Variants in TTC28 observed in about 807,000 individuals in gnomAD.
The protein encoded by TTC28 is tetratricopeptide repeat protein 28.
Under a neutral mutation model 198.0 loss-of-function variants are expected in TTC28, and 61 were observed. The ratio of observed to expected loss-of-function variants is 0.31; its 90% CI spans 0.25 to 0.38. The LOEUF (loss-of-function observed/expected upper bound fraction) is 0.38. TTC28 is among the 10% of genes least tolerant of loss of function. The pLI, the probability that TTC28 is intolerant of heterozygous loss-of-function variation, is 1.00. For missense variants in TTC28, 2,678 were observed against 3,164.0 expected (o/e 0.85, Z 3.69); for synonymous variants, 1,171 against 1,297.8 (o/e 0.90, Z 2.10).
intron 2 of TTC28, among the ~76,000 whole-genome samples, chr22:28,395,630 A>G (rs572042843): frequency 4.2e-4 from 9 of 21,386 alleles, no homozygotes; most frequent in African/African-American, 2.1e-3. Context: ...AAAAAACCAA[A>G]CAAACAAAAA....
intron 1 of TTC28, among the ~76,000 whole-genome samples, chr22:28,643,609 C>T (rs2051404559): frequency 6.6e-6 from 1 of 152,196 alleles, no homozygotes; most frequent in African/African-American, 2.4e-5. Context: ...TCCTCACCCA[C>T]ATCTTTGAAA....
chr22:27,982,452 C>T lies in TTC28; in HGVS notation c.7215G>A (p.Glu2405=). 1 of 1,551,566 alleles carries T rather than the reference C, an allele frequency of 6.4e-7. No homozygotes were observed. Among genetic ancestry groups the T allele is most frequent in the South Asian group, 1.2e-5 (1 of 84,052 alleles). ...LNLSPRHNKK[E]EGVDKLELKE... is the part of the protein sequence containing the mutation. ...TCAGTTCAAGCTTATCCACTCCCTC[C>T]TCCTTCTTATTGTGCCGTGGTGACA... Residue 2405 remains glutamate, a synonymous_variant, in exon 23 of 23, where the codon GAG becomes GAA. Coordinates refer to ENST00000397906, the MANE Select transcript of TTC28 (RefSeq NM_001145418.2). This position sits in a 1 kb window ranked among gnomAD's most constrained non-coding sequence, Gnocchi z 5.2.
At position 28,669,581 on chromosome 22, in the gene TTC28, T is replaced by C. The variant is rs551554697; in HGVS notation, c.102+10041A>G. Among the ~76,000 whole-genome samples, 9 of 152,330 alleles carry C rather than the reference T, an allele frequency of 5.9e-5. No individual in the cohort carries two copies. In the South Asian group the frequency reaches 1.7e-3, roughly 28 times the overall value. ...GAACTGGTCAAAGGGAAGATCTTTG[T>C]GGAGTCAGCAGTTTCCTCTGTCCTA... is the stretch of plus-strand genomic sequence containing the variant. On this transcript the variant is annotated intron_variant, in intron 1 of 22. Coordinates refer to ENST00000397906, the MANE Select transcript of TTC28 (RefSeq NM_001145418.2).
At chr22:28,521,356 G>A (rs369105301) in intron 2 of TTC28, among the ~76,000 whole-genome samples, 75 of 152,118 alleles carry the variant, frequency 4.9e-4, no homozygotes, top group Non-Finnish European at 8.1e-4. Context: ...ATGATGAGCC[G>A]TGACCAAGCC....
intron 6 of TTC28, among the ~76,000 whole-genome samples, chr22:28,128,485 C>T (rs752475611): frequency 7.2e-5 from 11 of 152,150 alleles, no homozygotes; most frequent in Non-Finnish European, 1.5e-4. Flanking sequence ...AAGCACACAG[C>T]CAATTCCTGT....
intron 2 of TTC28, among the ~76,000 whole-genome samples, chr22:28,333,779 A>G (rs134489): frequency 6.6e-6 from 1 of 151,952 alleles, no homozygotes; most frequent in Non-Finnish European, 1.5e-5. Flanking sequence ...AAGTTAAATC[A>G]AAGTATTGTG....
At chr22:28,152,233 G>A (rs1157538217) in intron 6 of TTC28, among the ~76,000 whole-genome samples, 1 of 152,202 alleles carries the variant, frequency 6.6e-6, no homozygotes, top group Non-Finnish European at 1.5e-5. Context: ...CCTCCTGGTG[G>A]TGCATATACT....
intron 8 of TTC28, among the ~76,000 whole-genome samples, chr22:28,102,723 G>A (rs1375748430): frequency 6.6e-6 from 1 of 152,194 alleles, no homozygotes; most frequent in African/African-American, 2.4e-5. Flanking sequence ...TGAGTCTGTT[G>A]AGACGGTAAG....
intron 2 of TTC28, among the ~76,000 whole-genome samples, chr22:28,577,954 T>C (rs998463984): frequency 6.6e-6 from 1 of 152,144 alleles, no homozygotes; most frequent in East Asian, 1.9e-4. Flanking sequence ...GCTTAGTCAA[T>C]TTGTGTTCAA....
chr22:28,589,124 C>T (rs1317050614), intron 2 of TTC28, among the ~76,000 whole-genome samples: 1 of 152,182 alleles, frequency 6.6e-6, no homozygotes, highest in Non-Finnish European at 1.5e-5. Flanking sequence ...ATTCTTACCT[C>T]AAGCATTCCT....
intron 5 of TTC28, among the ~76,000 whole-genome samples, chr22:28,170,777 G>A (rs1922595662): frequency 6.6e-6 from 1 of 152,086 alleles, no homozygotes; most frequent in Non-Finnish European, 1.5e-5. Context: ...AGATTTGGAT[G>A]AGTCTCAGAG....
intron 5 of TTC28, among the ~76,000 whole-genome samples, chr22:28,220,806 C>T (rs1927794832): frequency 6.6e-6 from 1 of 152,104 alleles, no homozygotes; most frequent in Admixed American, 6.6e-5. Context: ...TCATGGGGCC[C>T]ACGTTAAGAG....
chr22:28,386,960 A>AT (rs1236456832), intron 2 of TTC28, among the ~76,000 whole-genome samples: 1 of 152,158 alleles, frequency 6.6e-6, no homozygotes, highest in Non-Finnish European at 1.5e-5. Flanking sequence ...GTCATCTAGC[A>AT]TTAGGTATAT....
chr22:28,660,325 G>A (rs2051722281), intron 1 of TTC28, among the ~76,000 whole-genome samples: 1 of 151,966 alleles, frequency 6.6e-6, no homozygotes, highest in Admixed American at 6.6e-5. Flanking sequence ...AGTAAGAAAA[G>A]GAAATTTTTT....
chr22:28,601,546 A>C (rs1254840477), intron 2 of TTC28, among the ~76,000 whole-genome samples: 1 of 152,166 alleles, frequency 6.6e-6, no homozygotes, highest in African/African-American at 2.4e-5. Flanking sequence ...AGATGATTTA[A>C]AGTTTGTGGG....
chr22:28,529,794 G>A (rs1167949851), intron 2 of TTC28, among the ~76,000 whole-genome samples: 1 of 152,186 alleles, frequency 6.6e-6, no homozygotes, highest in Non-Finnish European at 1.5e-5. Context: ...GGCAAACAGG[G>A]TCTGGAGTGG....
chr22:28,595,544 A>T (rs1474918270), intron 2 of TTC28, among the ~76,000 whole-genome samples: 1 of 152,210 alleles, frequency 6.6e-6, no homozygotes, highest in African/African-American at 2.4e-5. Context: ...TGCCTCCACA[A>T]GATTTTGCAC....
At chr22:28,179,401 C>G (rs1464656351) in intron 5 of TTC28, among the ~76,000 whole-genome samples, 2 of 152,040 alleles carry the variant, frequency 1.3e-5, no homozygotes, top group African/African-American at 2.4e-5. Flanking sequence ...CTCAGGTGAT[C>G]TGCCCTCCTC....
chr22:28,148,409 C>T (rs903876358), intron 6 of TTC28, among the ~76,000 whole-genome samples: 2 of 152,108 alleles, frequency 1.3e-5, no homozygotes, highest in Non-Finnish European at 2.9e-5. Flanking sequence ...GTCAGGAGAT[C>T]GAGACCATCC....
Sources: gnomAD v4.1 joint callset for allele counts (sites outside exome capture counted in the v4.1 genomes callset) on GRCh38, gnomAD v4.1.1 for gene constraint, Gnocchi (gnomAD v3.1) non-coding constraint, MANE v1.5 for transcripts, NCBI Gene and HGNC (gene_info 2026-07-23, HGNC 2026-07-21) for gene names.